Variants in CLASP1 observed in about 807,000 individuals in gnomAD.
The protein encoded by CLASP1 is CLIP-associating protein 1.
In CLASP1, 38 loss-of-function variants were observed where a neutral mutation model predicts 192.3. That is an observed-to-expected ratio of 0.20 (90% confidence interval 0.15 to 0.26). CLASP1 has a LOEUF of 0.26. Among genes scored for constraint, CLASP1 ranks in the 10% least tolerant of loss-of-function variants. CLASP1 has a pLI of 1.00. For synonymous variants in CLASP1, 691 were observed against 712.8 expected (o/e 0.97, Z 0.49); for missense variants, 1,433 against 1,932.5 (o/e 0.74, Z 4.85).
chr2:121,611,517 G>C (rs1419673918), intron 1 of CLASP1, among the ~76,000 whole-genome samples: 1 of 139,298 alleles, frequency 7.2e-6, no homozygotes, highest in African/African-American at 2.8e-5. Flanking sequence ...AACTGGAGGA[G>C]GAGGAGTTGG....
chr2:121,506,327 C>T (rs1366979003), intron 7 of CLASP1, among the ~76,000 whole-genome samples: 2 of 152,114 alleles, frequency 1.3e-5, no homozygotes, highest in Non-Finnish European at 2.9e-5. Flanking sequence ...CCCTGCAAGC[C>T]CAGTTGCAGG....
intron 8 of CLASP1, among the ~76,000 whole-genome samples, chr2:121,472,211 T>C (rs553774186): frequency 3.3e-5 from 5 of 152,370 alleles, no homozygotes; most frequent in African/African-American, 1.2e-4. Context: ...GCATGTCATT[T>C]AGAACAGTAC....
At chr2:121,424,018 G>A (rs1354203059) in intron 22 of CLASP1, among the ~76,000 whole-genome samples, 2 of 152,166 alleles carry the variant, frequency 1.3e-5, no homozygotes, top group African/African-American at 4.8e-5. Flanking sequence ...TGCTTCTGCA[G>A]ATGCTTCTCT....
chr2:121,448,892 A>T (rs2084888564), intron 17 of CLASP1, 61 bp downstream of exon 17: 1 of 1,541,118 alleles, frequency 6.5e-7, no homozygotes, highest in Admixed American at 1.9e-5. Flanking sequence ...TTGTGTTTTC[A>T]TGTGACAAAC....
chr2:121,413,075 ACAGTGAAATCC>A (rs1180879728), intron 23 of CLASP1, among the ~76,000 whole-genome samples: 4 of 152,174 alleles, frequency 2.6e-5, no homozygotes, highest in Non-Finnish European at 5.9e-5. Context: ...CCTGGGCAAC[ACAGTGAAATCC>A]CGTCTCTACA....
At chr2:121,417,414 T>C (rs2078781376) in intron 23 of CLASP1, among the ~76,000 whole-genome samples, 1 of 149,256 alleles carries the variant, frequency 6.7e-6, no homozygotes, top group African/African-American at 2.5e-5. Context: ...TGCAAAGATA[T>C]ACAGCCTTAA....
chr2:121,482,299 G>A (rs1463695819), intron 8 of CLASP1, among the ~76,000 whole-genome samples: 26 of 152,080 alleles, frequency 1.7e-4, no homozygotes, highest in South Asian at 2.1e-4. Flanking sequence ...ACTACTCTGC[G>A]AGTGTGCCCA....
Position 121,594,642 on chromosome 2 carries a change from T to C in CLASP1, c.195+11059A>G, listed in dbSNP as rs374846257. Among the ~76,000 whole-genome samples the C allele has an allele frequency of 6.6e-4, 101 of 152,124 alleles. 1 individual carries two copies. In the South Asian group the frequency reaches 0.015, roughly 23 times the overall value. On this transcript the variant is annotated intron_variant, in intron 2 of 39. Coordinates refer to ENST00000263710, the Ensembl canonical transcript of CLASP1. ...TCCTGACCTCGTGATCTGCCCGCCT[T>C]GGCCTCCCAAAGTGCTGGGATTACA...
chr2:121,410,827 T>TTTCA, intron 24 of CLASP1, 39 bp downstream of exon 25: 1 of 1,281,000 alleles, frequency 7.8e-7, no homozygotes, highest in Non-Finnish European at 1.1e-6. Context: ...CAGATGAGTA[T>TTTCA]TTCAAAAAGA....
chr2:121,609,566 C>A (rs2064921909), intron 1 of CLASP1, among the ~76,000 whole-genome samples: 1 of 152,140 alleles, frequency 6.6e-6, no homozygotes, highest in Non-Finnish European at 1.5e-5. Context: ...ATATTAATCA[C>A]ATAGTTCCAA....
chr2:121,527,923 G>C (rs756642283), intron 4 of CLASP1, 33 bp from the exon 5 acceptor site: 11 of 1,550,620 alleles, frequency 7.1e-6, no homozygotes, highest in Non-Finnish European at 8.9e-6. Context: ...GAGGAAAGGA[G>C]AAGACTGCTG....
At chr2:121,349,672 G>A (rs1046423709) in intron 37 of CLASP1, among the ~76,000 whole-genome samples, 3 of 152,216 alleles carry the variant, frequency 2.0e-5, no homozygotes, top group Admixed American at 6.5e-5. Flanking sequence ...CTTCTGGAAA[G>A]TTGCTTTTCT....
intron 1 of CLASP1, among the ~76,000 whole-genome samples, chr2:121,630,111 G>T (rs1465432104): frequency 6.6e-6 from 1 of 151,824 alleles, no homozygotes; most frequent in Admixed American, 6.6e-5. Flanking sequence ...GTAGAGACAG[G>T]ATTTCACCAT....
chr2:121,478,665 C>CACACACACACCA (rs1559365421), intron 8 of CLASP1, among the ~76,000 whole-genome samples: 7 of 95,630 alleles, frequency 7.3e-5, no homozygotes, highest in African/African-American at 2.6e-4. Context: ...CACACACCCC[C>CACACACACACCA]CACACACACC....
At chr2:121,584,810 T>C (rs1278719619) in intron 2 of CLASP1, among the ~76,000 whole-genome samples, 1 of 152,182 alleles carries the variant, frequency 6.6e-6, no homozygotes, top group African/African-American at 2.4e-5. Flanking sequence ...ATAAACTGTT[T>C]ATCCCTCTGT....
At chr2:121,439,151 G>GATGGTAGTTTT (rs1156347251) in intron 19 of CLASP1, among the ~76,000 whole-genome samples, 1 of 151,982 alleles carries the variant, frequency 6.6e-6, no homozygotes, top group Non-Finnish European at 1.5e-5. Context: ...ATGGTAGTTT[G>GATGGTAGTTTT]TATTTCTGTG....
chr2:121,338,877 C>A (rs1391051259), exon 40 of CLASP1: 1 of 152,464 alleles, frequency 6.6e-6, no homozygotes, highest in Non-Finnish European at 1.5e-5. Flanking sequence ...GATAACCTAG[C>A]CCGACGCACA....
exon 40 of CLASP1, chr2:121,339,131 C>CCCCA (rs1553443052): frequency 4.2e-5 from 6 of 143,606 alleles, no homozygotes; most frequent in African/African-American, 1.6e-4. Context: ...ACACACAACA[C>CCCCA]CACACACACA....
intron 8 of CLASP1, among the ~76,000 whole-genome samples, chr2:121,478,628 CATACA>C (rs2091953497): frequency 8.5e-6 from 1 of 116,992 alleles, no homozygotes; most frequent in African/African-American, 3.5e-5. Flanking sequence ...CACACACACA[CATACA>C]CACACACACA....
Sources: allele counts gnomAD v4.1 joint callset (sites outside exome capture counted in the v4.1 genomes callset), GRCh38; gene constraint gnomAD v4.1.1; transcripts MANE v1.5; gene names NCBI Gene and HGNC (gene_info 2026-07-23, HGNC 2026-07-21).